The following RBMS3 variants were observed in gnomAD, a reference collection of about 807,000 sequenced individuals.
RBMS3 encodes the protein RNA binding motif single stranded interacting protein 3.
A neutral mutation model predicts 66.8 loss-of-function variants in RBMS3; 27 were observed. The observed-to-expected ratio is 0.40, with a 90% CI of 0.30 to 0.56. The LOEUF (loss-of-function observed/expected upper bound fraction) is 0.56, where lower values mean the gene tolerates loss of function less well. Among genes scored for constraint, RBMS3 ranks in the 20% least tolerant of loss-of-function variants. The pLI, the probability that RBMS3 is intolerant of heterozygous loss-of-function variation, is 0.40. For missense variants in RBMS3, 513 were observed against 549.5 expected (o/e 0.93, Z 0.66); for synonymous variants, 188 against 183.0 (o/e 1.03, Z -0.22).
At chr3:29,301,685 G>A (rs572500392) in intron 1 of RBMS3, among the ~76,000 whole-genome samples, 1 of 152,102 alleles carries the variant, frequency 6.6e-6, no homozygotes, top group African/African-American at 2.4e-5. Flanking sequence ...ATGACCGACT[G>A]ACTGTTTTAT....
chr3:29,629,273 T>C (rs767143441), intron 4 of RBMS3, among the ~76,000 whole-genome samples: 6 of 152,122 alleles, frequency 3.9e-5, no homozygotes, highest in South Asian at 2.1e-4. Context: ...TAAAATCACA[T>C]TTCTCTGCTA....
intron 1 of RBMS3, among the ~76,000 whole-genome samples, chr3:29,336,125 C>G (rs1445072948): frequency 6.6e-6 from 1 of 152,134 alleles, no homozygotes; most frequent in African/African-American, 2.4e-5. Context: ...GTTCTCTATT[C>G]AAAAACTATC....
chr3:29,913,660 C>T (rs1160460956), intron 10 of RBMS3, among the ~76,000 whole-genome samples: 1 of 151,862 alleles, frequency 6.6e-6, no homozygotes, highest in African/African-American at 2.4e-5. Context: ...GAATAATAAC[C>T]TTAAAACTTC....
chr3:29,501,527 T>C (rs2043973594), intron 3 of RBMS3, among the ~76,000 whole-genome samples: 1 of 152,202 alleles, frequency 6.6e-6, no homozygotes, highest in Admixed American at 6.5e-5. Context: ...CCGAGGTTAA[T>C]TTATCCGTTT....
intron 5 of RBMS3, among the ~76,000 whole-genome samples, chr3:29,741,202 T>C (rs1328988978): frequency 6.6e-6 from 1 of 152,222 alleles, no homozygotes; most frequent in African/African-American, 2.4e-5. Flanking sequence ...CCATAATGTA[T>C]ACATAGTAAA....
chr3:29,971,387 G>C (rs1310190827), intron 12 of RBMS3, among the ~76,000 whole-genome samples: 1 of 151,866 alleles, frequency 6.6e-6, no homozygotes, highest in Admixed American at 6.6e-5. Flanking sequence ...TTGTTTGTTT[G>C]TTTTTCATTT....
At chr3:29,804,145 C>T (rs757825496) in intron 6 of RBMS3, among the ~76,000 whole-genome samples, 1 of 151,920 alleles carries the variant, frequency 6.6e-6, no homozygotes, top group Non-Finnish European at 1.5e-5. Flanking sequence ...AACTGCTGCT[C>T]TCAAAAAAAT....
At chr3:29,999,180 C>A (rs1699449724) in intron 14 of RBMS3, among the ~76,000 whole-genome samples, 2 of 152,188 alleles carry the variant, frequency 1.3e-5, no homozygotes, top group South Asian at 4.1e-4. Flanking sequence ...CATCACTGGC[C>A]ATCAGAGAAA....
chr3:29,512,124 G>A (rs189323870), intron 3 of RBMS3, among the ~76,000 whole-genome samples: 39 of 151,910 alleles, frequency 2.6e-4, no homozygotes, highest in Admixed American at 2.0e-3. Flanking sequence ...CTAAAAATAA[G>A]AGTCAAGAGA....
chr3:29,838,408 GC>G (rs1458943664), intron 6 of RBMS3, among the ~76,000 whole-genome samples: 1 of 151,858 alleles, frequency 6.6e-6, no homozygotes, highest in Non-Finnish European at 1.5e-5. Flanking sequence ...CATTCATAAC[GC>G]TTTGATTATG....
intron 3 of RBMS3, among the ~76,000 whole-genome samples, chr3:29,574,661 T>C (rs2047055928): frequency 6.6e-6 from 1 of 152,100 alleles, no homozygotes; most frequent in Non-Finnish European, 1.5e-5. Flanking sequence ...CAGTCTTCCT[T>C]TTAGTGAATG....
intron 6 of RBMS3, among the ~76,000 whole-genome samples, chr3:29,805,800 C>T (rs1326122885): frequency 6.6e-6 from 1 of 151,948 alleles, no homozygotes; most frequent in Non-Finnish European, 1.5e-5. Context: ...AAAAAAGTTA[C>T]AGTGAGCTAA....
At position 29,739,846 on chromosome 3, in the gene RBMS3, A is replaced by G. The variant is rs1352512348; in HGVS notation, c.526A>G (p.Asn176Asp). ...VISTRILRDA[N>D]GVSRGVGFAR... Reference sequence around the variant, plus strand: ...TTCCACAAGAATACTAAGAGACGCTAATGGAGTCAGCAGAGGTGTTGGCTT... The same window carrying G: ...TTCCACAAGAATACTAAGAGACGCTGATGGAGTCAGCAGAGGTGTTGGCTT... The change falls in exon 5 of 15, where the codon AAT becomes GAT. Residue 176 changes from asparagine to aspartate, a missense_variant. By Grantham distance (23) the Asn-to-Asp change is conservative (BLOSUM62 1). Transcript: ENST00000383767. 1.2e-6 allele frequency: 2 copies of G among 1,610,502 alleles called. No individual in the cohort carries two copies. Among genetic ancestry groups the G allele is most frequent in the Non-Finnish European group, 1.7e-6 (2 of 1,178,682 alleles).
chr3:29,308,283 G>A (rs1246118080), intron 1 of RBMS3, among the ~76,000 whole-genome samples: 1 of 151,676 alleles, frequency 6.6e-6, no homozygotes, highest in Non-Finnish European at 1.5e-5. Context: ...GTATGGTTGG[G>A]GACAATTCCA....
At chr3:29,713,115 T>G (rs1378656257) in intron 4 of RBMS3, among the ~76,000 whole-genome samples, 1 of 151,878 alleles carries the variant, frequency 6.6e-6, no homozygotes, top group African/African-American at 2.4e-5. Flanking sequence ...ATCTATTATA[T>G]TATATTATAT....
chr3:29,471,718 G>GTT (rs397793236), intron 2 of RBMS3, among the ~76,000 whole-genome samples: 886 of 71,146 alleles, frequency 0.012, 14 homozygotes, highest in African/African-American at 0.043. Context: ...TGAGGACTTA[G>GTT]TTTTTTTTTT....
intron 2 of RBMS3, among the ~76,000 whole-genome samples, chr3:29,439,603 T>TTATTTATTTA (rs2041538204): frequency 1.3e-5 from 2 of 151,214 alleles, no homozygotes; most frequent in Admixed American, 6.6e-5. Flanking sequence ...TTTTATTTAT[T>TTATTTATTTA]TATTTATTTT....
intron 4 of RBMS3, among the ~76,000 whole-genome samples, chr3:29,686,210 A>AT (rs1166044691): frequency 6.6e-6 from 1 of 152,118 alleles, no homozygotes; most frequent in Non-Finnish European, 1.5e-5. Flanking sequence ...CCATATCTCT[A>AT]TTACTCTAAT....
chr3:29,944,192 T>C lies in RBMS3; in HGVS notation c.1051-15T>C, dbSNP rs751380750. 1.0e-5 allele frequency: 16 copies of C among 1,574,430 alleles called. No homozygotes were observed. The highest frequency in any genetic ancestry group is 1.4e-5 in the Non-Finnish European group (16 of 1,145,112). ...TACTTCATTGCATTCTTTCTCATGC[T>C]CTTTTCATTCAAAGATTCAATCCCA... On this transcript the variant is annotated splice_polypyrimidine_tract_variant and intron_variant, in intron 11 of 14. Coordinates refer to ENST00000383767, the MANE Select transcript of RBMS3 (RefSeq NM_001003793.3).
Sources: gnomAD v4.1 joint callset for allele counts (sites outside exome capture counted in the v4.1 genomes callset) on GRCh38, gnomAD v4.1.1 for gene constraint, MANE v1.5 for transcripts, NCBI Gene and HGNC (gene_info 2026-07-23, HGNC 2026-07-21) for gene names.